Variants in SYT1 observed in about 807,000 individuals in gnomAD.
SYT1 encodes the protein synaptotagmin 1.
SYT1 carries 8 observed loss-of-function variants against 44.8 expected under a neutral mutation model. The ratio of observed to expected loss-of-function variants is 0.18; its 90% confidence interval spans 0.10 to 0.32. The LOEUF is 0.32. Among genes scored for constraint, SYT1 ranks in the 10% least tolerant of loss-of-function variants. SYT1 has a pLI of 1.00. For synonymous variants in SYT1, 154 were observed against 188.8 expected (o/e 0.82, Z 1.51); for missense variants, 286 against 509.3 (o/e 0.56, Z 4.22).
chr12:79,079,304 C>T (rs113828426), intron 3 of SYT1, among the ~76,000 whole-genome samples: 3,601 of 152,184 alleles, frequency 0.024, 72 homozygotes, highest in Middle Eastern at 0.075. Context: ...TAAAAATACA[C>T]TGAGTGATTT....
intron 3 of SYT1, among the ~76,000 whole-genome samples, chr12:79,184,113 A>C (rs2138423482): frequency 6.6e-6 from 1 of 152,192 alleles, no homozygotes; most frequent in African/African-American, 2.4e-5. Context: ...GTAGACAATA[A>C]ATTATTATGA....
At chr12:79,149,448 G>C (rs970358209) in intron 3 of SYT1, among the ~76,000 whole-genome samples, 6 of 152,216 alleles carry the variant, frequency 3.9e-5, no homozygotes, top group Admixed American at 6.5e-5. Context: ...TGAATCATTT[G>C]CATGACACTT....
At chr12:78,923,689 C>A (rs1168724814) in intron 1 of SYT1, among the ~76,000 whole-genome samples, 1 of 148,626 alleles carries the variant, frequency 6.7e-6, no homozygotes, top group Non-Finnish European at 1.5e-5. Context: ...CCCCCCCTTT[C>A]TTTCTCTCTC....
At chr12:78,956,677 G>T (rs1433658857) in intron 1 of SYT1, among the ~76,000 whole-genome samples, 1 of 152,002 alleles carries the variant, frequency 6.6e-6, no homozygotes, top group African/African-American at 2.4e-5. Flanking sequence ...TATTTATTGA[G>T]ATTTGACTCC....
At chr12:79,332,392 C>A (rs1437988183) in intron 8 of SYT1, among the ~76,000 whole-genome samples, 1 of 152,154 alleles carries the variant, frequency 6.6e-6, no homozygotes, top group African/African-American at 2.4e-5. Flanking sequence ...GAAACTAAAT[C>A]GTTTCTGCAG....
chr12:78,864,504 T>C (rs1873422169), upstream of SYT1, among the ~76,000 whole-genome samples: 1 of 151,870 alleles, frequency 6.6e-6, no homozygotes, highest in Non-Finnish European at 1.5e-5. Flanking sequence ...CCCTCTTACT[T>C]CACCCCCTCC....
At chr12:79,017,513 T>C (rs1354192938) in intron 2 of SYT1, among the ~76,000 whole-genome samples, 1 of 152,116 alleles carries the variant, frequency 6.6e-6, no homozygotes, top group Non-Finnish European at 1.5e-5. Context: ...AGTATTTTAT[T>C]TACCAACAAA....
intron 2 of SYT1, among the ~76,000 whole-genome samples, chr12:79,001,758 G>A (rs551112252): frequency 6.6e-6 from 1 of 152,284 alleles, no homozygotes; most frequent in African/African-American, 2.4e-5. Flanking sequence ...TTTTGTCAAA[G>A]TGATGCAGAT....
chr12:79,169,019 A>T (rs73357436), intron 3 of SYT1, among the ~76,000 whole-genome samples: 1 of 152,034 alleles, frequency 6.6e-6, no homozygotes, highest in African/African-American at 2.4e-5. Flanking sequence ...GAGAAATTAA[A>T]TGGGTTTTCA....
intron 3 of SYT1, among the ~76,000 whole-genome samples, chr12:79,058,889 A>G (rs1875161800): frequency 6.6e-6 from 1 of 152,056 alleles, no homozygotes; most frequent in East Asian, 1.9e-4. Flanking sequence ...ATTTTAATAC[A>G]TACACATTTT....
chr12:79,037,088 AC>A (rs1167789437), intron 2 of SYT1, among the ~76,000 whole-genome samples: 1 of 151,818 alleles, frequency 6.6e-6, no homozygotes, highest in Non-Finnish European at 1.5e-5. Context: ...GGGGCTGGAG[AC>A]CAACCAAAGC....
chr12:79,364,605 TTTTA>T lies in SYT1; in HGVS notation c.928+10991_928+10994del, dbSNP rs1240972520. Among the ~76,000 whole-genome samples the T allele has an allele frequency of 2.0e-5, 3 of 152,320 alleles. No individual in the cohort carries two copies. The East Asian group carries it at 5.8e-4, about 29-fold the overall frequency. On this transcript the variant is annotated intron_variant, in intron 9 of 10. Transcript: ENST00000261205. ...AATTTTTTCTTTCAGAAATAAATGA[TTTTA>T]TTTAACTTAAAAAAAGAATTAAGCG...
At chr12:79,052,095 T>C (rs1874544718) in intron 3 of SYT1, among the ~76,000 whole-genome samples, 1 of 152,126 alleles carries the variant, frequency 6.6e-6, no homozygotes, top group Admixed American at 6.6e-5. Flanking sequence ...GGGGATGGCA[T>C]TGAATCTATA....
At chr12:79,281,090 G>T (rs1400333326) in intron 4 of SYT1, among the ~76,000 whole-genome samples, 1 of 151,956 alleles carries the variant, frequency 6.6e-6, no homozygotes, top group Non-Finnish European at 1.5e-5. Context: ...AGAACAGTAT[G>T]GAGAGTTCTC....
intron 1 of SYT1, among the ~76,000 whole-genome samples, chr12:78,953,427 A>G (rs1879064710): frequency 6.6e-6 from 1 of 152,084 alleles, no homozygotes; most frequent in South Asian, 2.1e-4. Flanking sequence ...TATTTCCAGC[A>G]TAGAGTGTGG....
rs562856580 is a variant in SYT1, at chr12:79,013,894, A to G, written c.-83-33403A>G. Among the ~76,000 whole-genome samples, 7 of 152,174 alleles carry G rather than the reference A, an allele frequency of 4.6e-5. No homozygotes were observed. In the South Asian group the frequency reaches 1.2e-3, roughly 27 times the overall value. ...TGTAATCCCAGCACTTTAGGAGGCC[A>G]AGGCGGGCAGATAATGAGATCAAGA... is the stretch of plus-strand genomic sequence containing the variant. On this transcript the variant is annotated intron_variant, in intron 2 of 10. Transcript: ENST00000261205.
chr12:79,208,729 A>G (rs1874266510), intron 3 of SYT1, among the ~76,000 whole-genome samples: 2 of 152,182 alleles, frequency 1.3e-5, no homozygotes, highest in African/African-American at 4.8e-5. Context: ...CATTCTTCCA[A>G]AGACATCTTC....
chr12:79,441,115 C>A (rs759504141), intron 9 of SYT1, among the ~76,000 whole-genome samples: 1 of 152,168 alleles, frequency 6.6e-6, no homozygotes, highest in Non-Finnish European at 1.5e-5. Context: ...TATCGAGGCA[C>A]AAAAGCTGAT....
At chr12:79,200,473 G>A (rs535320081) in intron 3 of SYT1, among the ~76,000 whole-genome samples, 37 of 152,198 alleles carry the variant, frequency 2.4e-4, no homozygotes, top group African/African-American at 8.9e-4. Context: ...GGGTGTAGGA[G>A]CAAACAAGAA....
Sources: gnomAD v4.1 joint callset for allele counts (sites outside exome capture counted in the v4.1 genomes callset) on GRCh38, gnomAD v4.1.1 for gene constraint, MANE v1.5 for transcripts, NCBI Gene and HGNC (gene_info 2026-07-23, HGNC 2026-07-21) for gene names.